Variants in MUC15 observed in about 807,000 individuals in gnomAD.
MUC15 encodes the protein mucin 15, cell surface associated.
MUC15 carries 23 observed loss-of-function variants against 24.0 expected under a neutral mutation model. The ratio of observed to expected loss-of-function variants is 0.96; its 90% confidence interval spans 0.69 to 1.36. The LOEUF is 1.36. MUC15 is among the 40% of genes most tolerant of loss of function. MUC15 has a pLI of 0.00. For missense variants in MUC15, 442 were observed against 428.2 expected, an observed-to-expected ratio of 1.03 and a Z score of -0.29; for synonymous variants, 151 against 156.3, an observed-to-expected ratio of 0.97 and a Z score of 0.25.
chr11:26,560,974 A>G lies in MUC15; in HGVS notation c.*91T>C. 1.6e-6 allele frequency: 2 copies of G among 1,271,590 alleles called. No homozygotes were observed. Among genetic ancestry groups the G allele is most frequent in the South Asian group, 1.4e-5 (1 of 72,296 alleles). The allele number at this position is 1,271,590 out of a possible 1,614,324, so 78.8% of individuals were successfully genotyped here. ...TTCTCCTTGACAAAATCCACGTGACAGTAATTTTGTGTAACCTTTTGAAAG... is the reference window on the plus strand; with the variant it reads ...TTCTCCTTGACAAAATCCACGTGACGGTAATTTTGTGTAACCTTTTGAAAG... On this transcript the variant is annotated 3_prime_UTR_variant, in exon 5 of 5. Coordinates refer to ENST00000529533, the MANE Select transcript of MUC15 (RefSeq NM_001135091.2).
intron 1 of MUC15, among the ~76,000 whole-genome samples, chr11:26,569,774 A>G (rs1334073274): frequency 6.6e-6 from 1 of 152,112 alleles, no homozygotes; most frequent in Non-Finnish European, 1.5e-5. Flanking sequence ...TGCTTTATAA[A>G]GCTGAAATGA....
chr11:26,560,938 T>C lies in MUC15; in HGVS notation c.*127A>G. The stretch of plus-strand genomic sequence containing the variant: ...GTCTACATTTCTGCTACTGGTCTCC[T>C]GCTTTTATGATTCTCCTTGACAAAA... On this transcript the variant is annotated 3_prime_UTR_variant, in exon 5 of 5. Coordinates refer to ENST00000529533, the MANE Select transcript of MUC15 (RefSeq NM_001135091.2). 1.1e-6 allele frequency: 1 copy of C among 922,866 alleles called. No individual in the cohort carries two copies. The highest frequency in any genetic ancestry group is 1.6e-6 in the Non-Finnish European group (1 of 621,874). The allele number at this position is 922,866 out of a possible 1,614,324, so 57.2% of individuals were successfully genotyped here.
At chr11:26,563,320 C>T in intron 3 of MUC15, 55 bp from the exon 4 acceptor site, 1 of 1,513,962 alleles carries the variant, frequency 6.6e-7, no homozygotes, top group Non-Finnish European at 8.9e-7. Context: ...AAGAACCGAA[C>T]TCTATGCATG....
rs887278036 is a variant in MUC15 at position 26,563,280 on chromosome 11, A to G, written c.776-15T>C. ...ATTTCTATTTTCTACAGGACAAAAA[A>G]AATTTAAAGAAATATAAAATAATTA... On this transcript the variant is annotated splice_polypyrimidine_tract_variant and intron_variant, in intron 3 of 4. Coordinates refer to ENST00000529533, the MANE Select transcript of MUC15 (RefSeq NM_001135091.2). 2 of 1,575,254 alleles carry G rather than the reference A, an allele frequency of 1.3e-6. No individual in the cohort carries two copies. Among genetic ancestry groups the G allele is most frequent in the Non-Finnish European group, 1.7e-6 (2 of 1,165,806 alleles).
Position 26,560,913 on chromosome 11 carries a change from G to T in MUC15, c.*152C>A. The T allele has an allele frequency of 1.4e-6, 1 of 710,204 alleles. No individual in the cohort carries two copies. Among genetic ancestry groups the T allele is most frequent in the Non-Finnish European group, 2.2e-6 (1 of 451,342 alleles). The allele number at this position is 710,204 out of a possible 1,614,324, so 44.0% of individuals were successfully genotyped here. On this transcript the variant is annotated 3_prime_UTR_variant, in exon 5 of 5. Transcript: ENST00000529533. ...AGAAAACCTTTGGATGATACATCCT[G>T]TCTACATTTCTGCTACTGGTCTCCT...
intron 1 of MUC15, among the ~76,000 whole-genome samples, chr11:26,567,670 G>T (rs1850645708): frequency 6.6e-6 from 1 of 151,904 alleles, no homozygotes; most frequent in Admixed American, 6.6e-5. Context: ...TATCTTCCAT[G>T]CCCTATGGTT....
chr11:26,568,670 T>C (rs1850696670), intron 1 of MUC15, among the ~76,000 whole-genome samples: 1 of 152,088 alleles, frequency 6.6e-6, no homozygotes, highest in African/African-American at 2.4e-5. Context: ...ATCTTTACCA[T>C]GAAGTTTACA....
At chr11:26,567,498 T>C (rs1237096208) in intron 1 of MUC15, among the ~76,000 whole-genome samples, 2 of 151,956 alleles carry the variant, frequency 1.3e-5, no homozygotes, top group Non-Finnish European at 2.9e-5. Context: ...ATGTGTTGAT[T>C]TTAAATAGCA....
In MUC15 at chr11:26,563,221, T is replaced by C. The variant is rs184097596; in HGVS notation, c.820A>G (p.Ile274Val). The C allele has an allele frequency of 1.9e-6, 3 of 1,611,852 alleles. No homozygotes were observed. Among genetic ancestry groups the C allele is most frequent in the Admixed American group, 3.3e-5 (2 of 59,854 alleles). The change falls in exon 4 of 5, where the codon ATT (isoleucine) becomes GTT (valine). Residue 274 changes from isoleucine (I) to valine (V), a missense_variant. Ile to Val is a conservative substitution (Grantham distance 29). Coordinates refer to ENST00000529533, the MANE Select transcript of MUC15 (RefSeq NM_001135091.2). ...AGAGTAAGCAATGAGACACCCAGAA[T>C]AGCACCTAAAATGGCCCCGAATACT... ...GIVFGAILGA[I>V]LGVSLLTLVG...
rs1418521270 is a variant in MUC15 at position 26,559,442 on chromosome 11, A to T, written c.*1623T>A. 3.4e-6 allele frequency: 1 copy of T among 292,842 alleles called. No homozygotes were observed. Among genetic ancestry groups the T allele is most frequent in the East Asian group, 5.8e-5 (1 of 17,098 alleles). The allele number at this position is 292,842 out of a possible 1,614,324, so 18.1% of individuals were successfully genotyped here. On this transcript the variant is annotated 3_prime_UTR_variant, in exon 5 of 5. Transcript: ENST00000529533. ...TGTGACCCACAAATACTTCCATAGA[A>T]TGGTAGAATTATTTATAATCAGAAA...
Position 26,565,320 on chromosome 11 carries a change from A to T in MUC15, c.620T>A (p.Val207Glu). ...ILSSEPTSPS[V>E]TPLIVEPSGW... ...ACTTGGTTCCACTATCAAGGGGGTC[A>T]CAGATGGAGAAGTTGGTTCTGAAGA... Residue 207 changes from valine to glutamate, a missense_variant, in exon 3 of 5, where the codon GTG (valine) becomes GAG (glutamate). Physicochemically the swap from Val to Glu is moderately radical, Grantham distance 121 (BLOSUM62 -2). Transcript: ENST00000529533. 1 of 1,611,106 alleles carries T rather than the reference A, an allele frequency of 6.2e-7. No homozygotes were observed. The highest frequency in any genetic ancestry group is 8.5e-7 in the Non-Finnish European group (1 of 1,178,218).
At position 26,565,728 on chromosome 11, in the gene MUC15, T is replaced by G; in HGVS notation, c.212A>C (p.Asn71Thr). The change falls in exon 3 of 5, where the codon AAT (asparagine) becomes ACT (threonine). Residue 71 changes from asparagine (N) to threonine (T), a missense_variant. By Grantham distance (65) the Asn-to-Thr change is moderately conservative (BLOSUM62 0). Coordinates refer to ENST00000529533, the MANE Select transcript of MUC15 (RefSeq NM_001135091.2). Reference sequence around the variant, plus strand: ...TTCACTTTCCAAAGAAATAGGTTTATTTTCCATTGTTTTAAAAACTTCTGC... The same window carrying G: ...TTCACTTTCCAAAGAAATAGGTTTAGTTTCCATTGTTTTAAAAACTTCTGC... ...NIAEVFKTME[N>T]KPISLESEAN... 6.2e-7 allele frequency: 1 copy of G among 1,606,032 alleles called. No individual in the cohort carries two copies. The highest frequency in any genetic ancestry group is 1.7e-5 in the Admixed American group (1 of 59,384).
In MUC15 at chr11:26,565,617, C is replaced by T; in HGVS notation, c.323G>A (p.Ser108Asn). ...ACTGGAGAAATCTGTTATTCCGTGG[C>T]TGTTGTTGGGTAGATTCAAAGGAGG... ...HSPPLNLPNN[S>N]HGITDFSSNS... The change falls in exon 3 of 5, where the codon AGC becomes AAC. Residue 108 changes from serine to asparagine, a missense_variant. Physicochemically the swap from Ser to Asn is conservative, Grantham distance 46 (BLOSUM62 1). Coordinates refer to ENST00000529533, the MANE Select transcript of MUC15 (RefSeq NM_001135091.2). 6.2e-7 allele frequency: 1 copy of T among 1,612,676 alleles called. No homozygotes were observed. The highest frequency in any genetic ancestry group is 1.1e-5 in the South Asian group (1 of 91,048).
In MUC15 at chr11:26,565,798, T is replaced by C. The variant is rs1240234440; in HGVS notation, c.142A>G (p.Ser48Gly). 6.2e-7 allele frequency: 1 copy of C among 1,613,128 alleles called. No individual in the cohort carries two copies. The highest frequency in any genetic ancestry group is 1.7e-5 in the Admixed American group (1 of 59,870). ...ATGTCTTGATTTTCTTTTCCATGGC[T>C]CCCCGATAGAAGTGAATAAAACAAC... The part of the protein sequence containing the change: ...STLFYSLLSG[S>G]HGKENQDINT... Residue 48 changes from serine to glycine, a missense_variant, in exon 3 of 5, where the codon AGC (serine) becomes GGC (glycine). Physicochemically the swap from Ser to Gly is moderately conservative, Grantham distance 56. Transcript: ENST00000529533.
At chr11:26,564,730 CACATATATATATATATATATAT>C (rs1442289679) in intron 3 of MUC15, among the ~76,000 whole-genome samples, 61 of 24,004 alleles carry the variant, frequency 2.5e-3, no homozygotes, top group African/African-American at 9.8e-3. Flanking sequence ...CACACACACA[CACATATATATATATATATATAT>C]ATATATATAT....
At chr11:26,567,993 A>C (rs1850662834) in intron 1 of MUC15, among the ~76,000 whole-genome samples, 1 of 151,976 alleles carries the variant, frequency 6.6e-6, no homozygotes, top group Non-Finnish European at 1.5e-5. Context: ...AGTAAACAGA[A>C]TTGATTGGGT....
At chr11:26,561,852 A>G (rs1483800758) in intron 4 of MUC15, among the ~76,000 whole-genome samples, 2 of 151,970 alleles carry the variant, frequency 1.3e-5, no homozygotes, top group South Asian at 2.1e-4. Context: ...GCAAAACTGG[A>G]CATGCTCTTG....
intron 1 of MUC15, among the ~76,000 whole-genome samples, chr11:26,571,269 A>G (rs1426871107): frequency 6.6e-6 from 1 of 152,160 alleles, no homozygotes; most frequent in Non-Finnish European, 1.5e-5. Context: ...TAATGTCTAT[A>G]GGAGCAGCCT....
At chr11:26,564,708 C>T (rs1284476622) in intron 3 of MUC15, among the ~76,000 whole-genome samples, 13 of 68,840 alleles carry the variant, frequency 1.9e-4, no homozygotes, top group South Asian at 5.3e-4. Context: ...CACACACACA[C>T]ACACACACAC....
Sources: gnomAD v4.1 joint callset for allele counts (sites outside exome capture counted in the v4.1 genomes callset) on GRCh38, gnomAD v4.1.1 for gene constraint, MANE v1.5 for transcripts, NCBI Gene and HGNC (gene_info 2026-07-23, HGNC 2026-07-21) for gene names.